The following OSBPL10 variants were observed in gnomAD, a reference collection of about 807,000 sequenced individuals.
OSBPL10 encodes oxysterol-binding protein-related protein 10.
Under a neutral mutation model 81.7 loss-of-function variants are expected in OSBPL10, and 49 were observed. The ratio of observed to expected loss-of-function variants is 0.60; its 90% CI spans 0.48 to 0.76. OSBPL10 has a LOEUF of 0.76. OSBPL10 is among the 30% of genes least tolerant of loss of function. OSBPL10 has a pLI of 0.00. For missense variants in OSBPL10, 923 were observed against 987.8 expected (o/e 0.93, Z 0.88); for synonymous variants, 419 against 383.6 (o/e 1.09, Z -1.08).
At chr3:31,700,013 A>G (rs543981723) in intron 7 of OSBPL10, among the ~76,000 whole-genome samples, 1 of 152,334 alleles carries the variant, frequency 6.6e-6, no homozygotes, top group African/African-American at 2.4e-5. Flanking sequence ...AATTTCATCA[A>G]CCTTTTTATA....
intron 6 of OSBPL10, among the ~76,000 whole-genome samples, chr3:31,711,430 A>T (rs953663255): frequency 1.3e-5 from 2 of 152,208 alleles, no homozygotes; most frequent in African/African-American, 4.8e-5. Context: ...CCTTAATCGG[A>T]ATTCTTTCAT....
chr3:31,947,884 T>C (rs1697747290), intron 1 of OSBPL10, among the ~76,000 whole-genome samples: 1 of 152,156 alleles, frequency 6.6e-6, no homozygotes, highest in South Asian at 2.1e-4. Context: ...GGAGTTGAGA[T>C]AAGCCCAGCC....
intron 2 of OSBPL10, among the ~76,000 whole-genome samples, chr3:32,013,673 A>T (rs1699282669): frequency 6.6e-6 from 1 of 152,202 alleles, no homozygotes; most frequent in African/African-American, 2.4e-5. Flanking sequence ...TTTTGAAAAG[A>T]TCAACAAAAT....
At chr3:32,011,958 T>C (rs910482452) in intron 2 of OSBPL10, among the ~76,000 whole-genome samples, 1 of 152,208 alleles carries the variant, frequency 6.6e-6, no homozygotes, top group African/African-American at 2.4e-5. Context: ...AGACCGAATC[T>C]ACATCTGATT....
chr3:31,981,124 C>CGGCTGCTGCTGT lies in OSBPL10; in HGVS notation c.44_55dup (p.Ser18_Arg19insHisSerSerSer). On this transcript the variant is annotated inframe_insertion, in exon 1 of 12. Coordinates refer to ENST00000396556, the MANE Select transcript of OSBPL10 (RefSeq NM_017784.5). This position sits in a 1 kb window ranked among gnomAD's most constrained non-coding sequence, Gnocchi z 4.5. ...CGCCGAGGTAGCACGGCTGCTGCTG[C>CGGCTGCTGCTGT]GGCTGCTGCTGTTGCTACCCCCGCC... is the stretch of plus-strand genomic sequence containing the variant. 6.7e-7 allele frequency: 1 copy of CGGCTGCTGCTGT among 1,491,550 alleles called. No homozygotes were observed. 92.4% of individuals were successfully genotyped at this position (1,491,550 alleles called of 1,614,324 possible).
chr3:32,039,987 A>G (rs1411442256), intron 2 of OSBPL10, among the ~76,000 whole-genome samples: 1 of 152,230 alleles, frequency 6.6e-6, no homozygotes. Flanking sequence ...TTGACCAAGG[A>G]AGGACATGGG....
At position 31,882,967 on chromosome 3, in the gene OSBPL10, A is replaced by G. The variant is rs997614097; in HGVS notation, c.282-3137T>C. ...GGGCAAAAACCAAACTCCCTCAATGAGAGAAGAACCAGGGTAACTTCTGAG... is the reference window on the plus strand; with the variant it reads ...GGGCAAAAACCAAACTCCCTCAATGGGAGAAGAACCAGGGTAACTTCTGAG... On this transcript the variant is annotated intron_variant, in intron 1 of 11. Coordinates refer to ENST00000396556, the MANE Select transcript of OSBPL10 (RefSeq NM_017784.5). 3.9e-5 allele frequency among the ~76,000 whole-genome samples: 6 copies of G among 152,166 alleles called. No homozygotes were observed. In the South Asian group the frequency reaches 8.3e-4, roughly 21 times the overall value.
intron 3 of OSBPL10, among the ~76,000 whole-genome samples, chr3:31,875,671 G>C (rs546639313): frequency 6.6e-6 from 1 of 152,206 alleles, no homozygotes; most frequent in Non-Finnish European, 1.5e-5. Flanking sequence ...AAAGCAGGCA[G>C]GTTTTAGCAG....
chr3:31,965,525 TTATATTATATAAATTATATATTA>T (rs1464871886), intron 1 of OSBPL10, among the ~76,000 whole-genome samples: 4,547 of 33,426 alleles, frequency 0.14, 912 homozygotes, highest in African/African-American at 0.24. Flanking sequence ...ATATAAACTA[TTATATTATATAAATTATATATTA>T]TATATTATAT....
At chr3:32,020,182 C>T (rs1407863370) in intron 2 of OSBPL10, among the ~76,000 whole-genome samples, 1 of 152,136 alleles carries the variant, frequency 6.6e-6, no homozygotes, top group Non-Finnish European at 1.5e-5. Flanking sequence ...ATTTATATGC[C>T]ATAAATTCAC....
At chr3:31,669,543 G>A (rs1440025944) in intron 9 of OSBPL10, among the ~76,000 whole-genome samples, 1 of 152,158 alleles carries the variant, frequency 6.6e-6, no homozygotes, top group Non-Finnish European at 1.5e-5. Context: ...AAAACCTAGA[G>A]TCTCAGTCTC....
chr3:32,006,824 G>T (rs966593393), intron 2 of OSBPL10, among the ~76,000 whole-genome samples: 1 of 152,164 alleles, frequency 6.6e-6, no homozygotes, highest in African/African-American at 2.4e-5. Context: ...TGGCTTTGCA[G>T]TATTTGTTAA....
At chr3:31,927,707 A>G (rs1399892725) in intron 1 of OSBPL10, among the ~76,000 whole-genome samples, 1 of 152,214 alleles carries the variant, frequency 6.6e-6, no homozygotes, top group Non-Finnish European at 1.5e-5. Flanking sequence ...TGCAATCAGT[A>G]TATCTACCGC....
intron 4 of OSBPL10, among the ~76,000 whole-genome samples, chr3:31,779,821 T>G (rs1425147968): frequency 4.6e-5 from 7 of 152,132 alleles, no homozygotes; most frequent in East Asian, 1.9e-4. Context: ...TCTCAAGAAA[T>G]TTAAGAAAAT....
chr3:31,679,122 C>T (rs1055138947), intron 8 of OSBPL10, among the ~76,000 whole-genome samples: 12 of 152,150 alleles, frequency 7.9e-5, no homozygotes, highest in African/African-American at 2.9e-4. Flanking sequence ...AACACCCCAG[C>T]CACTAGCTCC....
In OSBPL10 at chr3:32,054,169, T is replaced by C. The variant is rs376466157; in HGVS notation, n.186-7566A>G. ...GTGAATGACTTATGGTAACCTGGGA[T>C]TCTATTTTAAAATATCAAGTGCTTA... On this transcript the variant is annotated intron_variant and non_coding_transcript_variant, in intron 1 of 3. Transcript: ENST00000479173. Among the ~76,000 whole-genome samples, 17 of 152,320 alleles carry C rather than the reference T, an allele frequency of 1.1e-4. No individual in the cohort carries two copies. In the East Asian group the frequency reaches 3.3e-3, roughly 29 times the overall value.
intron 5 of OSBPL10, among the ~76,000 whole-genome samples, chr3:31,741,042 T>TG (rs1697332252): frequency 6.6e-6 from 1 of 152,168 alleles, no homozygotes; most frequent in South Asian, 2.1e-4. Flanking sequence ...AATCTATCCT[T>TG]GGCCTTATTT....
At chr3:32,058,890 T>C (rs1319648169) in intron 1 of OSBPL10, among the ~76,000 whole-genome samples, 5 of 152,186 alleles carry the variant, frequency 3.3e-5, no homozygotes, top group African/African-American at 9.6e-5. Flanking sequence ...CTTCTCGCTA[T>C]GTTGCCCATG....
At chr3:31,971,378 G>A (rs1698563603) in intron 1 of OSBPL10, among the ~76,000 whole-genome samples, 1 of 152,090 alleles carries the variant, frequency 6.6e-6, no homozygotes, top group Non-Finnish European at 1.5e-5. Flanking sequence ...GACCTCAGGT[G>A]ATCCACCCAC....
Sources: gnomAD v4.1 joint callset for allele counts (sites outside exome capture counted in the v4.1 genomes callset) on GRCh38, gnomAD v4.1.1 for gene constraint, Gnocchi (gnomAD v3.1) non-coding constraint, MANE v1.5 for transcripts, NCBI Gene and HGNC (gene_info 2026-07-23, HGNC 2026-07-21) for gene names.